Variants in MAP4K3 observed in about 807,000 individuals in gnomAD.
MAP4K3 encodes the protein MAPK/ERK kinase kinase kinase 3.
A neutral mutation model predicts 143.5 loss-of-function variants in MAP4K3; 94 were observed. That is an observed-to-expected ratio of 0.65 (90% CI 0.55 to 0.78). The LOEUF (loss-of-function observed/expected upper bound fraction) is 0.78. Among genes scored for constraint, MAP4K3 ranks in the 30% least tolerant of loss-of-function variants. MAP4K3 has a pLI of 0.00. For missense variants in MAP4K3, 1,077 were observed against 1,068.1 expected (o/e 1.01, Z -0.12); for synonymous variants, 416 against 347.2 (o/e 1.20, Z -2.20).
intron 1 of MAP4K3, among the ~76,000 whole-genome samples, chr2:39,431,361 TTACAG>T (rs1201936482): frequency 2.0e-5 from 3 of 152,240 alleles, no homozygotes; most frequent in Non-Finnish European, 4.4e-5. Flanking sequence ...GGACCTAAGG[TTACAG>T]TATTTTGTTG....
chr2:39,422,592 G>A (rs552370842), intron 1 of MAP4K3, among the ~76,000 whole-genome samples: 32 of 152,210 alleles, frequency 2.1e-4, no homozygotes, highest in African/African-American at 6.5e-4. Flanking sequence ...TAACACAAGA[G>A]TCCAGAAACA....
At position 39,326,280 on chromosome 2, in the gene MAP4K3, G is replaced by C; in HGVS notation, c.531-3C>G. The C allele has an allele frequency of 6.2e-7, 1 of 1,611,470 alleles. No homozygotes were observed. Among genetic ancestry groups the C allele is most frequent in the Non-Finnish European group, 8.5e-7 (1 of 1,179,224 alleles). On this transcript the variant is annotated splice_polypyrimidine_tract_variant and splice_region_variant and intron_variant, in intron 8 of 33. Coordinates refer to ENST00000263881, the MANE Select transcript of MAP4K3 (RefSeq NM_003618.4). ...CAGCTGCAACTTCTGGAGCCATCCT[G>C]AAATAAATATTCCAGAAAATAAAAA...
intron 7 of MAP4K3, 93 bp downstream of exon 7, chr2:39,333,439 G>C: frequency 1.1e-6 from 1 of 931,562 alleles, no homozygotes; most frequent in Admixed American, 1.9e-5. Context: ...TGCCGTCTTA[G>C]GAGAGGGAAA....
Position 39,280,354 on chromosome 2 carries a change from C to T in MAP4K3, c.1632G>A (p.Met544Ile), listed in dbSNP as rs1681463070. 6.3e-7 allele frequency: 1 copy of T among 1,591,050 alleles called. No homozygotes were observed. Among genetic ancestry groups the T allele is most frequent in the Non-Finnish European group, 8.6e-7 (1 of 1,164,020 alleles). ...TAAAAACTTTTGAAAAACATGCACC[C>T]ATCTAGGGAAACAAAGAATAACCAA... is the stretch of plus-strand genomic sequence containing the variant. Reference protein sequence around the residue: ...NGLPPTPKVHMGACFSKVFNG... With the variant: ...NGLPPTPKVHIGACFSKVFNG... The change falls in exon 23 of 34, where the codon ATG (methionine) becomes ATA (isoleucine). Residue 544 changes from methionine to isoleucine, a missense_variant and splice_region_variant. Met to Ile is a conservative substitution (Grantham distance 10, BLOSUM62 1). This residue lies in a region of MAP4K3 where 864 missense variants were observed against 801.2 expected (regional missense o/e 1.08). Transcript: ENST00000263881.
intron 9 of MAP4K3, 35 bp from the exon 10 acceptor site, chr2:39,325,996 A>G (rs1482320709): frequency 6.5e-7 from 1 of 1,532,942 alleles, no homozygotes; most frequent in Non-Finnish European, 8.9e-7. Context: ...CAGCATTTTA[A>G]TATTTCACAT....
chr2:39,289,031 G>A (rs997410198), intron 19 of MAP4K3, among the ~76,000 whole-genome samples: 1 of 152,098 alleles, frequency 6.6e-6, no homozygotes, highest in Admixed American at 6.6e-5. Flanking sequence ...CAGCCTGGGC[G>A]AAAGAGCGAG....
At chr2:39,432,708 C>T (rs536636655) in intron 1 of MAP4K3, among the ~76,000 whole-genome samples, 1 of 152,274 alleles carries the variant, frequency 6.6e-6, no homozygotes, top group East Asian at 1.9e-4. Context: ...TTGAAAGATG[C>T]ATAATTACAA....
intron 26 of MAP4K3, among the ~76,000 whole-genome samples, chr2:39,271,008 C>T (rs1445577092): frequency 6.6e-6 from 1 of 151,470 alleles, no homozygotes; most frequent in African/African-American, 2.4e-5. Context: ...GAAATAATAA[C>T]CTGGAGGTGA....
intron 23 of MAP4K3, 87 bp downstream of exon 23, chr2:39,280,185 C>T (rs1320392206): frequency 2.3e-5 from 17 of 748,944 alleles, no homozygotes; most frequent in Non-Finnish European, 3.1e-5. Flanking sequence ...CAGAAAGATA[C>T]TCAGAAAATA....
intron 3 of MAP4K3, among the ~76,000 whole-genome samples, chr2:39,348,354 A>T (rs1665355763): frequency 6.6e-6 from 1 of 152,124 alleles, no homozygotes; most frequent in South Asian, 2.1e-4. Context: ...AAAAAAAATC[A>T]CGACTATATA....
intron 19 of MAP4K3, among the ~76,000 whole-genome samples, chr2:39,289,771 A>G (rs1386998534): frequency 1.3e-5 from 2 of 152,212 alleles, no homozygotes; most frequent in Admixed American, 1.3e-4. Flanking sequence ...GTAAATTCCT[A>G]GGACTTGTTA....
intron 3 of MAP4K3, among the ~76,000 whole-genome samples, chr2:39,354,653 C>T (rs1016716863): frequency 6.7e-6 from 1 of 150,190 alleles, no homozygotes; most frequent in African/African-American, 2.5e-5. Flanking sequence ...CAGAGTGAGA[C>T]TCTGTCTCAA....
chr2:39,383,196 T>C (rs1666397323), intron 1 of MAP4K3, among the ~76,000 whole-genome samples: 1 of 152,112 alleles, frequency 6.6e-6, no homozygotes, highest in African/African-American at 2.4e-5. Flanking sequence ...CGGTAATTTA[T>C]AAAGGAAAAA....
intron 3 of MAP4K3, among the ~76,000 whole-genome samples, chr2:39,355,339 G>A (rs1265093585): frequency 8.2e-6 from 1 of 122,276 alleles, no homozygotes; most frequent in Non-Finnish European, 1.6e-5. Flanking sequence ...CCAGCCTAGT[G>A]ACAGAGCAAG....
intron 15 of MAP4K3, among the ~76,000 whole-genome samples, chr2:39,301,023 A>G (rs925180702): frequency 1.3e-5 from 2 of 152,234 alleles, no homozygotes; most frequent in African/African-American, 4.8e-5. Flanking sequence ...AGATACACAA[A>G]GCTAATTCTA....
In MAP4K3 at chr2:39,265,254, G is replaced by A. The variant is rs747380381; in HGVS notation, c.2085C>T (p.Ser695=). 8.1e-6 allele frequency: 13 copies of A among 1,613,606 alleles called. No homozygotes were observed. In the East Asian group the frequency reaches 1.1e-4, roughly 14 times the overall value. The change falls in exon 28 of 34, where the codon AGC becomes AGT. Residue 695 remains serine, a synonymous_variant. Transcript: ENST00000263881. ...GTTCAACCCATTCTAATAGAACAAT[G>A]CTAGTCTGAAGTGCTCCACATAGGT... The part of the protein sequence containing the change: ...HKYLCGALQT[S]IVLLEWVEPM...
At chr2:39,413,829 T>A (rs538304726) in intron 1 of MAP4K3, among the ~76,000 whole-genome samples, 3 of 152,098 alleles carry the variant, frequency 2.0e-5, no homozygotes, top group African/African-American at 7.2e-5. Flanking sequence ...CTGCTTTGGA[T>A]CATTTTGTCA....
intron 24 of MAP4K3, 46 bp downstream of exon 24, chr2:39,278,361 G>T: frequency 1.8e-6 from 2 of 1,139,092 alleles, no homozygotes; most frequent in South Asian, 2.9e-5. Context: ...GTGTACTTAT[G>T]GTAACTTAAA....
chr2:39,348,766 G>A (rs1487259070), intron 3 of MAP4K3, among the ~76,000 whole-genome samples: 3 of 151,980 alleles, frequency 2.0e-5, no homozygotes, highest in Non-Finnish European at 4.4e-5. Flanking sequence ...TTAAGTAGAG[G>A]GGGAAAAGTT....
Sources: gnomAD v4.1 joint callset for allele counts (sites outside exome capture counted in the v4.1 genomes callset) on GRCh38, gnomAD v4.1.1 for gene constraint, gnomAD v4.1.1 regional missense constraint, MANE v1.5 for transcripts, NCBI Gene and HGNC (gene_info 2026-07-23, HGNC 2026-07-21) for gene names.